Variants in PTPN4 observed in about 807,000 individuals in gnomAD.
PTPN4 encodes the protein tyrosine-protein phosphatase non-receptor type 4.
Under a neutral mutation model 135.5 loss-of-function variants are expected in PTPN4, and 49 were observed. The ratio of observed to expected loss-of-function variants is 0.36; its 90% confidence interval spans 0.29 to 0.46. The LOEUF (loss-of-function observed/expected upper bound fraction) is 0.46. Ranked by LOEUF, PTPN4 falls within the 20% of genes least tolerant of loss-of-function variation. The probability of loss-of-function intolerance (pLI) is 1.00; values close to 1 mark genes in which losing one functional copy is unlikely to be tolerated. For missense variants in PTPN4, 860 were observed against 1,101.0 expected, an observed-to-expected ratio of 0.78 and a Z score of 3.10; for synonymous variants, 333 against 369.9, an observed-to-expected ratio of 0.90 and a Z score of 1.14.
rs143662385 is a variant in PTPN4 at position 119,956,929 on chromosome 2, C to T, written c.2066C>T (p.Ser689Leu). 2.9e-5 allele frequency: 46 copies of T among 1,608,322 alleles called. No homozygotes were observed. Among genetic ancestry groups the T allele is most frequent in the East Asian group, 1.3e-4 (6 of 44,720 alleles). The change falls in exon 21 of 27, where the codon TCG becomes TTG. Residue 689 changes from serine (S) to leucine (L), a missense_variant. Ser to Leu is a moderately radical substitution (Grantham distance 145). Coordinates refer to ENST00000263708, the MANE Select transcript of PTPN4 (RefSeq NM_002830.4). ...NISKNRYRDI[S>L]PYDATRVILK... ...TCCAAAAATAGATACAGAGATATTT[C>T]GCCTTGTAAGTATCTTATTGTCTCT...
intron 15 of PTPN4, among the ~76,000 whole-genome samples, chr2:119,941,907 A>T (rs1679067074): frequency 2.0e-5 from 3 of 152,122 alleles, no homozygotes; most frequent in African/African-American, 7.2e-5. Context: ...TATAGAGCTC[A>T]TGCTGCATCT....
chr2:119,827,380 T>C (rs72836824), intron 2 of PTPN4, among the ~76,000 whole-genome samples: 3,158 of 152,284 alleles, frequency 0.021, 60 homozygotes, highest in Non-Finnish European at 0.033. Context: ...AAGTAAAATT[T>C]GCAAGTTTTG....
At chr2:119,856,853 TC>T (rs1420251502) in intron 2 of PTPN4, among the ~76,000 whole-genome samples, 1 of 152,172 alleles carries the variant, frequency 6.6e-6, no homozygotes, top group Non-Finnish European at 1.5e-5. Context: ...CAGTCTATAA[TC>T]CTACTGCAAA....
intron 18 of PTPN4, among the ~76,000 whole-genome samples, chr2:119,949,738 G>T (rs1416351370): frequency 6.6e-6 from 1 of 152,082 alleles, no homozygotes; most frequent in African/African-American, 2.4e-5. Context: ...AGCTACTCCA[G>T]TGGCTGAAGT....
At chr2:119,819,183 G>A (rs1677031498) in intron 2 of PTPN4, among the ~76,000 whole-genome samples, 1 of 152,132 alleles carries the variant, frequency 6.6e-6, no homozygotes. Flanking sequence ...GTATGGTTTG[G>A]CAGGTGCCCC....
intron 2 of PTPN4, among the ~76,000 whole-genome samples, chr2:119,852,136 A>G (rs1009205064): frequency 1.3e-5 from 2 of 152,190 alleles, no homozygotes; most frequent in African/African-American, 4.8e-5. Flanking sequence ...TTGTTGGGAC[A>G]ACTAAATTCC....
chr2:119,855,571 C>T (rs182820870), intron 2 of PTPN4, among the ~76,000 whole-genome samples: 32 of 152,166 alleles, frequency 2.1e-4, no homozygotes, highest in African/African-American at 5.5e-4. Context: ...TTTACGATGC[C>T]GTTTGGAATT....
chr2:119,960,346 G>A (rs1322956242), intron 22 of PTPN4, among the ~76,000 whole-genome samples: 1 of 152,132 alleles, frequency 6.6e-6, no homozygotes, highest in Non-Finnish European at 1.5e-5. Flanking sequence ...TACTTTATAT[G>A]TAAAAATTCA....
intron 10 of PTPN4, among the ~76,000 whole-genome samples, chr2:119,903,313 TC>T (rs1361039663): frequency 6.6e-6 from 1 of 152,086 alleles, no homozygotes; most frequent in African/African-American, 2.4e-5. Context: ...GAGCACACCT[TC>T]CAGGGACATT....
chr2:119,953,056 TAA>T (rs1293115519), intron 19 of PTPN4, among the ~76,000 whole-genome samples: 1 of 152,200 alleles, frequency 6.6e-6, no homozygotes, highest in African/African-American at 2.4e-5. Flanking sequence ...TTCTCCAGTT[TAA>T]GAGTCCTAGA....
At chr2:119,948,529 C>CA (rs1396597850) in intron 18 of PTPN4, among the ~76,000 whole-genome samples, 1 of 151,932 alleles carries the variant, frequency 6.6e-6, no homozygotes, top group African/African-American at 2.4e-5. Context: ...GACTAGGGAA[C>CA]AAAGAGTACT....
chr2:119,771,948 C>A (rs1178850376), intron 1 of PTPN4, among the ~76,000 whole-genome samples: 1 of 152,160 alleles, frequency 6.6e-6, no homozygotes, highest in Non-Finnish European at 1.5e-5. Flanking sequence ...GATCAGAATT[C>A]TTTTGTTATC....
chr2:119,959,956 T>A (rs554653345), intron 22 of PTPN4, among the ~76,000 whole-genome samples: 2 of 152,246 alleles, frequency 1.3e-5, no homozygotes, highest in South Asian at 2.1e-4. Context: ...TCAAACATCA[T>A]CTTGAAGATG....
At chr2:119,829,409 TA>T (rs1677189087) in intron 2 of PTPN4, among the ~76,000 whole-genome samples, 1 of 152,252 alleles carries the variant, frequency 6.6e-6, no homozygotes, top group Non-Finnish European at 1.5e-5. Flanking sequence ...CAATGTTGTA[TA>T]ACCTTTCATG....
intron 2 of PTPN4, among the ~76,000 whole-genome samples, chr2:119,825,317 G>A (rs1322063778): frequency 1.3e-5 from 2 of 152,074 alleles, no homozygotes; most frequent in Admixed American, 1.3e-4. Context: ...TGAAGTAATA[G>A]TAATGTGTGT....
intron 10 of PTPN4, among the ~76,000 whole-genome samples, chr2:119,911,418 G>A (rs1363771937): frequency 6.6e-6 from 1 of 151,976 alleles, no homozygotes; most frequent in Non-Finnish European, 1.5e-5. Context: ...CATTTCAATA[G>A]ATGCAGAAAA....
rs530627577 is a variant in PTPN4, at chr2:119,787,462, G to A, written c.-17-22375G>A. On this transcript the variant is annotated intron_variant, in intron 1 of 26. Coordinates refer to ENST00000263708, the MANE Select transcript of PTPN4 (RefSeq NM_002830.4). ...TATGATTACTACTAATAGTGATACT[G>A]CTATTAGAAGTAGTATTGTCTAACA... 4.6e-5 allele frequency among the ~76,000 whole-genome samples: 7 copies of A among 152,248 alleles called. No individual in the cohort carries two copies. The East Asian group carries it at 1.2e-3, about 25-fold the overall frequency.
At chr2:119,878,280 A>G (rs1398055788) in intron 5 of PTPN4, among the ~76,000 whole-genome samples, 1 of 152,206 alleles carries the variant, frequency 6.6e-6, no homozygotes, top group East Asian at 1.9e-4. Context: ...AACTGTCAGT[A>G]TTAACCTGAA....
At chr2:119,779,141 G>A (rs1690892308) in intron 1 of PTPN4, among the ~76,000 whole-genome samples, 1 of 152,144 alleles carries the variant, frequency 6.6e-6, no homozygotes, top group African/African-American at 2.4e-5. Flanking sequence ...CTGTTGCCAA[G>A]TTCAGTTCAC....
Sources: gnomAD v4.1 joint callset for allele counts (sites outside exome capture counted in the v4.1 genomes callset) on GRCh38, gnomAD v4.1.1 for gene constraint, MANE v1.5 for transcripts, NCBI Gene and HGNC (gene_info 2026-07-23, HGNC 2026-07-21) for gene names.